The following NCAM2 variants were observed in gnomAD, a reference collection of about 807,000 sequenced individuals.
NCAM2 encodes the protein neural cell adhesion molecule 2, also known as N-CAM-2.
In NCAM2, 30 loss-of-function variants were observed where a neutral mutation model predicts 98.1. That is an observed-to-expected ratio of 0.31 (90% CI 0.23 to 0.41). The LOEUF is 0.41. Ranked by LOEUF, NCAM2 falls within the 10% of genes least tolerant of loss-of-function variation. NCAM2 has a pLI of 1.00. For synonymous variants in NCAM2, 368 were observed against 342.4 expected, an observed-to-expected ratio of 1.07 and a Z score of -0.83; for missense variants, 867 against 1,005.8, an observed-to-expected ratio of 0.86 and a Z score of 1.87.
At chr21:21,201,654 T>G (rs2069226688) in intron 1 of NCAM2, among the ~76,000 whole-genome samples, 1 of 152,212 alleles carries the variant, frequency 6.6e-6, no homozygotes, top group Admixed American at 6.5e-5. Flanking sequence ...CCCCAGTTTT[T>G]GTTAATATTC....
At chr21:21,074,358 A>G (rs1431085260) in intron 1 of NCAM2, among the ~76,000 whole-genome samples, 1 of 151,696 alleles carries the variant, frequency 6.6e-6, no homozygotes, top group African/African-American at 2.4e-5. Flanking sequence ...TATTACATTT[A>G]TTACATTTAT....
intron 1 of NCAM2, among the ~76,000 whole-genome samples, chr21:21,026,121 T>C (rs1386300479): frequency 6.6e-6 from 1 of 151,908 alleles, no homozygotes; most frequent in Non-Finnish European, 1.5e-5. Context: ...TCTAGAGGTG[T>C]GATGATGGTG....
chr21:21,444,051 G>A (rs1979714731), intron 12 of NCAM2, among the ~76,000 whole-genome samples: 1 of 151,990 alleles, frequency 6.6e-6, no homozygotes, highest in East Asian at 1.9e-4. Context: ...TAACATGAAG[G>A]GATGTTGAAT....
intron 1 of NCAM2, among the ~76,000 whole-genome samples, chr21:21,067,959 G>C (rs187523497): frequency 1.3e-5 from 2 of 151,984 alleles, no homozygotes; most frequent in African/African-American, 2.4e-5. Flanking sequence ...TTGTCTTCTT[G>C]TCTTCCAAAA....
At chr21:21,496,656 C>T (rs1483850355) in intron 15 of NCAM2, among the ~76,000 whole-genome samples, 3 of 151,738 alleles carry the variant, frequency 2.0e-5, no homozygotes, top group African/African-American at 7.3e-5. Context: ...GTTGCTATTT[C>T]ATTTGGAGAT....
chr21:21,410,265 GTA>G lies in NCAM2; in HGVS notation c.1196-7_1196-6del, dbSNP rs777768148. ...ATGCCTATAATTATTTTATTATATT[GTA>G]TTACAGATGCCCCCAAGTTTATATC... On this transcript the variant is annotated splice_polypyrimidine_tract_variant and splice_region_variant and intron_variant, in intron 9 of 17. Coordinates refer to ENST00000400546, the MANE Select transcript of NCAM2 (RefSeq NM_004540.5). 1.0e-5 allele frequency: 15 copies of G among 1,435,236 alleles called. No individual in the cohort carries two copies. The South Asian group carries it at 2.2e-4, about 21-fold the overall frequency. The allele number at this position is 1,435,236 out of a possible 1,614,324, so 88.9% of individuals were successfully genotyped here.
At chr21:21,276,085 T>A (rs773659980) in intron 1 of NCAM2, among the ~76,000 whole-genome samples, 1 of 152,110 alleles carries the variant, frequency 6.6e-6, no homozygotes, top group Non-Finnish European at 1.5e-5. Flanking sequence ...TTTATAACAA[T>A]ATCTATGGCA....
chr21:21,420,118 A>G (rs1245818553), intron 11 of NCAM2, among the ~76,000 whole-genome samples: 1 of 152,184 alleles, frequency 6.6e-6, no homozygotes. Flanking sequence ...GAAAAAATGA[A>G]CTATAATAAT....
rs970716205 is a variant in NCAM2 at position 21,267,466 on chromosome 21, C to T, written c.56-13112C>T. On this transcript the variant is annotated intron_variant, in intron 1 of 17. Coordinates refer to ENST00000400546, the MANE Select transcript of NCAM2 (RefSeq NM_004540.5). ...AGCTTGTTGTACAACCTTACCTGGG[C>T]TGGAAATCTTAAGCATGTCAGTCAA... Among the ~76,000 whole-genome samples, 7 of 151,984 alleles carry T rather than the reference C, an allele frequency of 4.6e-5. No homozygotes were observed. In the East Asian group the frequency reaches 5.8e-4, roughly 13 times the overall value.
chr21:21,301,382 CTA>C (rs1568906801), intron 5 of NCAM2, among the ~76,000 whole-genome samples: 5 of 45,104 alleles, frequency 1.1e-4, no homozygotes, highest in Non-Finnish European at 1.8e-4. Flanking sequence ...TTTTTTTTTT[CTA>C]TTTTTTTTTT....
intron 12 of NCAM2, among the ~76,000 whole-genome samples, chr21:21,437,474 C>CTGTGTGTGTGTGTG (rs3990174): frequency 0.056 from 8,093 of 144,420 alleles, 262 homozygotes; most frequent in East Asian, 0.11. Context: ...CACCAAGATT[C>CTGTGTGTGTGTGTG]TGTGTGTGTG....
At chr21:21,368,924 A>C (rs1025140196) in intron 8 of NCAM2, among the ~76,000 whole-genome samples, 1 of 151,878 alleles carries the variant, frequency 6.6e-6, no homozygotes, top group African/African-American at 2.4e-5. Flanking sequence ...ATTGTTCGTA[A>C]AACACCCAAT....
At chr21:21,470,046 G>T (rs1984234765) in intron 14 of NCAM2, among the ~76,000 whole-genome samples, 1 of 152,132 alleles carries the variant, frequency 6.6e-6, no homozygotes, top group African/African-American at 2.4e-5. Context: ...GTAACAGTTT[G>T]TAAGGAATTC....
intron 1 of NCAM2, among the ~76,000 whole-genome samples, chr21:21,201,294 A>G (rs995176000): frequency 2.6e-5 from 4 of 152,284 alleles, no homozygotes; most frequent in Middle Eastern, 3.4e-3. Flanking sequence ...AAGCAGTGCA[A>G]TTCCCCAAGA....
At chr21:21,526,340 C>G (rs1353421777) in intron 16 of NCAM2, among the ~76,000 whole-genome samples, 6 of 151,872 alleles carry the variant, frequency 4.0e-5, no homozygotes, top group Non-Finnish European at 5.9e-5. Flanking sequence ...CAGCAATAAA[C>G]AAGTGAAATT....
chr21:21,229,701 A>G (rs1184990297), intron 1 of NCAM2, among the ~76,000 whole-genome samples: 1 of 151,408 alleles, frequency 6.6e-6, no homozygotes, highest in Non-Finnish European at 1.5e-5. Flanking sequence ...CCTTTTGTTC[A>G]TACCATATTG....
intron 1 of NCAM2, among the ~76,000 whole-genome samples, chr21:21,146,793 A>G (rs2067287427): frequency 6.6e-6 from 1 of 152,168 alleles, no homozygotes; most frequent in Non-Finnish European, 1.5e-5. Context: ...CTCAAACTGC[A>G]TGTTTTAACA....
At chr21:21,513,886 T>A (rs1988546073) in intron 16 of NCAM2, among the ~76,000 whole-genome samples, 1 of 152,076 alleles carries the variant, frequency 6.6e-6, no homozygotes, top group African/African-American at 2.4e-5. Context: ...GTTGGGTGCA[T>A]ACATATTTAT....
At chr21:21,311,506 A>C (rs1324469504) in intron 5 of NCAM2, among the ~76,000 whole-genome samples, 1 of 151,788 alleles carries the variant, frequency 6.6e-6, no homozygotes, top group Non-Finnish European at 1.5e-5. Context: ...ACGCCCAGCT[A>C]ATTTTTTTGT....
Sources: allele counts gnomAD v4.1 joint callset (sites outside exome capture counted in the v4.1 genomes callset), GRCh38; gene constraint gnomAD v4.1.1; transcripts MANE v1.5; gene names NCBI Gene and HGNC (gene_info 2026-07-23, HGNC 2026-07-21).